Variants in PEPD observed in about 807,000 individuals in gnomAD.
PEPD encodes peptidase D.
A neutral mutation model predicts 60.7 loss-of-function variants in PEPD; 53 were observed. The ratio of observed to expected loss-of-function variants is 0.87; its 90% CI spans 0.70 to 1.10. PEPD has a LOEUF of 1.10. PEPD is among the 50% of genes least tolerant of loss of function. PEPD has a pLI of 0.00. For missense variants in PEPD, 711 were observed against 711.9 expected (o/e 1.00, Z 0.01); for synonymous variants, 267 against 284.1 (o/e 0.94, Z 0.60).
chr19:33,455,503 TTC>T (rs892946190), intron 9 of PEPD, among the ~76,000 whole-genome samples: 6 of 151,808 alleles, frequency 4.0e-5, no homozygotes, highest in African/African-American at 1.5e-4. Flanking sequence ...TGGCTTTTTT[TTC>T]TCTTTTTTTT....
intron 9 of PEPD, among the ~76,000 whole-genome samples, chr19:33,421,753 C>T (rs146090881): frequency 1.3e-5 from 2 of 152,236 alleles, no homozygotes; most frequent in East Asian, 3.9e-4. Flanking sequence ...CCTCGGCCTC[C>T]CAAAGGTCCG....
At chr19:33,477,474 C>T (rs572101180) in intron 7 of PEPD, among the ~76,000 whole-genome samples, 36 of 152,342 alleles carry the variant, frequency 2.4e-4, no homozygotes, top group African/African-American at 7.9e-4. Context: ...AAGAGCAATG[C>T]GATGGCTTAG....
intron 3 of PEPD, among the ~76,000 whole-genome samples, chr19:33,506,239 AGACAG>A (rs1970805562): frequency 2.8e-5 from 4 of 141,028 alleles, no homozygotes; most frequent in East Asian, 2.2e-4. Flanking sequence ...CCCACACACA[AGACAG>A]CACACTCACA....
At chr19:33,511,511 C>T (rs532519282) in intron 2 of PEPD, 2 of 353,686 alleles carry the variant, frequency 5.7e-6, no homozygotes, top group East Asian at 1.4e-4. Flanking sequence ...GCAAGACGCC[C>T]CCCGGATTCT....
chr19:33,491,014 G>A (rs1008087884), intron 5 of PEPD, among the ~76,000 whole-genome samples: 1 of 152,080 alleles, frequency 6.6e-6, no homozygotes, highest in Non-Finnish European at 1.5e-5. Flanking sequence ...TCAGCTTGAT[G>A]TCTAATTGTA....
chr19:33,465,690 AC>A (rs2145276562), intron 7 of PEPD, among the ~76,000 whole-genome samples: 1 of 152,200 alleles, frequency 6.6e-6, no homozygotes, highest in African/African-American at 2.4e-5. Flanking sequence ...TTCCCATGGA[AC>A]CCAACCTAGA....
At chr19:33,417,589 C>T (rs554871390) in intron 9 of PEPD, among the ~76,000 whole-genome samples, 1 of 152,280 alleles carries the variant, frequency 6.6e-6, no homozygotes, top group African/African-American at 2.4e-5. Context: ...GTGCCTCCCT[C>T]CCAGGGCTGC....
intron 6 of PEPD, among the ~76,000 whole-genome samples, chr19:33,489,644 AT>A (rs1306988941): frequency 1.3e-5 from 2 of 152,040 alleles, no homozygotes; most frequent in African/African-American, 4.8e-5. Flanking sequence ...AAATAAAAAA[AT>A]AAAAGAAAGG....
chr19:33,468,483 C>T (rs943606128), intron 7 of PEPD, among the ~76,000 whole-genome samples: 18 of 152,226 alleles, frequency 1.2e-4, no homozygotes, highest in Non-Finnish European at 2.4e-4. Context: ...TGGCCTCCAT[C>T]GAGGCAGCCC....
At chr19:33,492,677 C>G (rs1171001641) in intron 5 of PEPD, among the ~76,000 whole-genome samples, 1 of 152,180 alleles carries the variant, frequency 6.6e-6, no homozygotes, top group African/African-American at 2.4e-5. Flanking sequence ...TGACTTTCTA[C>G]ATCCACAAAT....
chr19:33,422,545 C>T (rs763907212), intron 9 of PEPD, among the ~76,000 whole-genome samples: 12 of 151,774 alleles, frequency 7.9e-5, no homozygotes, highest in Non-Finnish European at 1.8e-4. Context: ...CATCCATCTA[C>T]CCATCCATCC....
intron 3 of PEPD, among the ~76,000 whole-genome samples, chr19:33,502,955 G>GGT (rs1239756203): frequency 1.4e-5 from 2 of 143,470 alleles, no homozygotes; most frequent in Non-Finnish European, 3.1e-5. Context: ...TGGGGGGCGG[G>GGT]GGGGGGTGTT....
chr19:33,492,242 G>A (rs370407742), intron 5 of PEPD, among the ~76,000 whole-genome samples: 2 of 151,884 alleles, frequency 1.3e-5, no homozygotes, highest in African/African-American at 2.4e-5. Context: ...AGCCCACCTC[G>A]CACCCCCCAC....
At chr19:33,430,831 C>T (rs1969255712) in intron 9 of PEPD, among the ~76,000 whole-genome samples, 2 of 152,162 alleles carry the variant, frequency 1.3e-5, no homozygotes, top group African/African-American at 4.8e-5. Context: ...CCGAGGACGA[C>T]ACTGGGAAGC....
At chr19:33,470,310 C>G (rs765647143) in intron 7 of PEPD, among the ~76,000 whole-genome samples, 11 of 152,102 alleles carry the variant, frequency 7.2e-5, no homozygotes, top group Admixed American at 3.3e-4. Flanking sequence ...TTTCCAGTGG[C>G]CTTTAGGTTT....
At chr19:33,513,870 A>G (rs901717271) in intron 1 of PEPD, among the ~76,000 whole-genome samples, 1 of 97,436 alleles carries the variant, frequency 1.0e-5, no homozygotes, top group Admixed American at 1.0e-4. Context: ...ATGCCCTTTT[A>G]CCCAGCCTCT....
At chr19:33,517,921 C>A (rs148734640) in intron 1 of PEPD, among the ~76,000 whole-genome samples, 1 of 150,748 alleles carries the variant, frequency 6.6e-6, no homozygotes, top group African/African-American at 2.4e-5. Flanking sequence ...GAGCCGAGAT[C>A]GCGCCATTGC....
intron 1 of PEPD, among the ~76,000 whole-genome samples, chr19:33,515,088 T>C (rs1971001046): frequency 6.6e-6 from 1 of 152,176 alleles, no homozygotes. Context: ...CACTGGGAGA[T>C]GGAGCTCCAG....
intron 9 of PEPD, among the ~76,000 whole-genome samples, chr19:33,419,209 G>A (rs1968957813): frequency 6.6e-6 from 1 of 152,140 alleles, no homozygotes; most frequent in African/African-American, 2.4e-5. Flanking sequence ...ATGTGGGCAA[G>A]CAGATGAAGT....
Sources: allele counts gnomAD v4.1 joint callset (sites outside exome capture counted in the v4.1 genomes callset), GRCh38; gene constraint gnomAD v4.1.1; transcripts MANE v1.5; gene names NCBI Gene and HGNC (gene_info 2026-07-23, HGNC 2026-07-21).